The following COL4A2 variants were observed in gnomAD, a reference collection of about 807,000 sequenced individuals.
COL4A2 encodes the protein collagen alpha-2(IV) chain.
In COL4A2, 99 loss-of-function variants were observed where a neutral mutation model predicts 200.2. The ratio of observed to expected loss-of-function variants is 0.49; its 90% CI spans 0.42 to 0.58. COL4A2 has a LOEUF of 0.58. Among genes scored for constraint, COL4A2 ranks in the 20% least tolerant of loss-of-function variants. The pLI, the probability that COL4A2 is intolerant of heterozygous loss-of-function variation, is 0.00. For missense variants in COL4A2, 1,950 were observed against 2,314.1 expected (o/e 0.84, Z 3.23); for synonymous variants, 897 against 900.6 (o/e 1.00, Z 0.07).
In COL4A2 at chr13:110,503,252, C is replaced by T; in HGVS notation, c.4009C>T (p.Pro1337Ser). ...CGGGGACTCCGGGCCCCAGGGCAGG[C>T]CTGGTGTGTTTGGTCTCCCAGGAGA... ...WAGDSGPQGR[P>S]GVFGLPGEKG... The change falls in exon 42 of 48, where the codon CCT (proline) becomes TCT (serine). Residue 1337 changes from proline to serine, a missense_variant. Pro to Ser is a moderately conservative substitution (Grantham distance 74). Around this residue, in one of 2 missense-constraint regions of COL4A2, gnomAD observed 1,385 missense variants for 1,720.5 expected, o/e 0.80. Coordinates refer to ENST00000360467, the MANE Select transcript of COL4A2 (RefSeq NM_001846.4). The T allele has an allele frequency of 1.2e-6, 2 of 1,609,772 alleles. No individual in the cohort carries two copies. Among genetic ancestry groups the T allele is most frequent in the South Asian group, 1.1e-5 (1 of 90,742 alleles).
intron 16 of COL4A2, among the ~76,000 whole-genome samples, chr13:110,443,579 T>C (rs1881215845): frequency 6.6e-6 from 1 of 152,208 alleles, no homozygotes; most frequent in Non-Finnish European, 1.5e-5. Context: ...TGATAAGTTA[T>C]TAGATTTGGG....
rs1472191360 is a variant in COL4A2, at chr13:110,430,529, C to T, written c.586-16C>T. On this transcript the variant is annotated splice_polypyrimidine_tract_variant and intron_variant, in intron 9 of 47. Coordinates refer to ENST00000360467, the MANE Select transcript of COL4A2 (RefSeq NM_001846.4). ...TTTACCTCTCTTAAAAACATTCTCC[C>T]GCTGCCTATCCATAGGGACCTCCCG... is the stretch of plus-strand genomic sequence containing the variant. 5 of 1,614,178 alleles carry T rather than the reference C, an allele frequency of 3.1e-6. No homozygotes were observed. Among genetic ancestry groups the T allele is most frequent in the East Asian group, 4.5e-5 (2 of 44,884 alleles).
At chr13:110,428,684 G>A (rs1027548975) in intron 7 of COL4A2, 101 bp downstream of exon 7, 8 of 594,618 alleles carry the variant, frequency 1.3e-5, no homozygotes, top group South Asian at 5.7e-5. Context: ...TGGCCAGAAC[G>A]GAAGCATAAC....
At chr13:110,509,121 G>A (rs1883985056) in intron 47 of COL4A2, among the ~76,000 whole-genome samples, 1 of 151,732 alleles carries the variant, frequency 6.6e-6, no homozygotes, top group Admixed American at 6.6e-5. Flanking sequence ...GTATACTATT[G>A]TAGGGAGAAA....
intron 20 of COL4A2, among the ~76,000 whole-genome samples, chr13:110,452,288 G>A (rs112025727): frequency 0.2 from 29,926 of 150,962 alleles, 3,289 homozygotes; most frequent in Middle Eastern, 0.4. Flanking sequence ...GCCCGCCACC[G>A]CGCAGCTGGG....
At chr13:110,361,504 G>T (rs1877512146) in intron 4 of COL4A2, among the ~76,000 whole-genome samples, 1 of 152,174 alleles carries the variant, frequency 6.6e-6, no homozygotes, top group African/African-American at 2.4e-5. Flanking sequence ...AGCCTTTTAT[G>T]GGCATGGTAC....
At chr13:110,350,838 C>A (rs945497833) in intron 3 of COL4A2, among the ~76,000 whole-genome samples, 2 of 152,106 alleles carry the variant, frequency 1.3e-5, no homozygotes, top group Non-Finnish European at 2.9e-5. Flanking sequence ...ATGGCGGGGG[C>A]CAGCTGGGAG....
At chr13:110,310,901 C>T (rs1566465631) in intron 3 of COL4A2, among the ~76,000 whole-genome samples, 1 of 152,204 alleles carries the variant, frequency 6.6e-6, no homozygotes, top group Non-Finnish European at 1.5e-5. Flanking sequence ...AGAAAAGCCA[C>T]AAAGGGTTTG....
chr13:110,311,822 GT>G (rs1176046690), intron 3 of COL4A2, among the ~76,000 whole-genome samples: 1 of 152,220 alleles, frequency 6.6e-6, no homozygotes, highest in African/African-American at 2.4e-5. Context: ...CACAATAGAC[GT>G]GGGTTCACGT....
Position 110,465,994 on chromosome 13 carries a change from TC to T in COL4A2, c.1979-3del, listed in dbSNP as rs764182733. On this transcript the variant is annotated splice_region_variant and splice_polypyrimidine_tract_variant and intron_variant, in intron 25 of 47. Coordinates refer to ENST00000360467, the MANE Select transcript of COL4A2 (RefSeq NM_001846.4). The stretch of plus-strand genomic sequence containing the variant: ...ATTGCCTCACTCTGTCCTTATGTCT[TC>T]CCCCCAGATTGTGACACAGATGTGA... The T allele has an allele frequency of 4.1e-5, 66 of 1,612,624 alleles. No homozygotes were observed. The African/African-American group carries it at 7.9e-4, about 19-fold the overall frequency.
At position 110,321,838 on chromosome 13, in the gene COL4A2, G is replaced by A. The variant is rs1465458808; in HGVS notation, c.99+13715G>A. On this transcript the variant is annotated intron_variant, in intron 3 of 47. Coordinates refer to ENST00000360467, the MANE Select transcript of COL4A2 (RefSeq NM_001846.4). ...GAAATGTCAGATGCTTATAAAACTA[G>A]ATCTCAGGAGAACTCACTATCATGA... Among the ~76,000 whole-genome samples the A allele has an allele frequency of 3.3e-5, 5 of 152,126 alleles. No individual in the cohort carries two copies. In the East Asian group the frequency reaches 9.6e-4, roughly 29 times the overall value.
At chr13:110,409,015 C>T (rs1461631265) in intron 4 of COL4A2, among the ~76,000 whole-genome samples, 71 of 93,906 alleles carry the variant, frequency 7.6e-4, no homozygotes, top group Middle Eastern at 4.7e-3. Flanking sequence ...CACACACATA[C>T]ACATGGACAC....
Position 110,472,980 on chromosome 13 carries a change from A to T in COL4A2, c.2255A>T (p.Asp752Val). The change falls in exon 29 of 48, where the codon GAT becomes GTT. Residue 752 changes from aspartate (D) to valine (V), a missense_variant. Physicochemically the swap from Asp to Val is radical, Grantham distance 152 (BLOSUM62 -3). This residue lies in a region of COL4A2 where 1,385 missense variants were observed against 1,720.5 expected (regional missense o/e 0.80). Transcript: ENST00000360467. ...SKGAVGLPGP[D>V]GSPGPIGLPG... is the part of the protein sequence containing the mutation. The stretch of plus-strand genomic sequence containing the variant: ...GGTGCAGTGGGCCTCCCTGGCCCAG[A>T]TGGATCCCCAGGTCCCATCGGCCTG... 6.5e-7 allele frequency: 1 copy of T among 1,547,972 alleles called. No homozygotes were observed. Among genetic ancestry groups the T allele is most frequent in the Non-Finnish European group, 8.7e-7 (1 of 1,147,734 alleles).
chr13:110,313,451 C>CA (rs1185098542), intron 3 of COL4A2, among the ~76,000 whole-genome samples: 30 of 151,944 alleles, frequency 2.0e-4, no homozygotes, highest in Non-Finnish European at 3.8e-4. Flanking sequence ...GGCGTCCACC[C>CA]GGCAGGCTCC....
At chr13:110,509,616 A>G (rs1279856014) in intron 47 of COL4A2, among the ~76,000 whole-genome samples, 1 of 152,106 alleles carries the variant, frequency 6.6e-6, no homozygotes, top group East Asian at 1.9e-4. Context: ...TTCAAAATAA[A>G]TGAGCCTCTC....
chr13:110,312,649 A>G (rs1250802988), intron 3 of COL4A2, among the ~76,000 whole-genome samples: 1 of 152,208 alleles, frequency 6.6e-6, no homozygotes, highest in African/African-American at 2.4e-5. Context: ...TTTTAGAGAA[A>G]GCTCTGAAAC....
chr13:110,430,764 T>G (rs766319507), intron 10 of COL4A2, 157 bp downstream of exon 10: 1 of 999,762 alleles, frequency 1.0e-6, no homozygotes, highest in Non-Finnish European at 1.6e-6. Flanking sequence ...GGACCATTCC[T>G]TGCACACTTT....
rs1883965147 is a variant in COL4A2, at chr13:110,508,469, T to A, written c.4881+248T>A. ...TTTGCCACCAGGCCTTTGTAAGGAGTGTAACCAGGACGAACTTGCCTGTTA... is the reference window on the plus strand; with the variant it reads ...TTTGCCACCAGGCCTTTGTAAGGAGAGTAACCAGGACGAACTTGCCTGTTA... On this transcript the variant is annotated intron_variant, in intron 47 of 47. Coordinates refer to ENST00000360467, the MANE Select transcript of COL4A2 (RefSeq NM_001846.4). This position sits in a 1 kb window ranked among gnomAD's most constrained non-coding sequence, Gnocchi z 6.1. 1.6e-6 allele frequency: 1 copy of A among 622,808 alleles called. No homozygotes were observed. The highest frequency in any genetic ancestry group is 3.0e-5 in the Admixed American group (1 of 33,316). 38.6% of individuals were successfully genotyped at this position (622,808 alleles called of 1,614,324 possible). A position where few individuals can be genotyped will look rare whatever the true frequency, so the allele number is the denominator to read the frequency against.
At chr13:110,351,154 T>A (rs1468636989) in intron 3 of COL4A2, among the ~76,000 whole-genome samples, 1 of 152,156 alleles carries the variant, frequency 6.6e-6, no homozygotes, top group East Asian at 1.9e-4. Flanking sequence ...GCTCAAGCCA[T>A]CTTCCCACCC....
Sources: allele counts gnomAD v4.1 joint callset (sites outside exome capture counted in the v4.1 genomes callset), GRCh38; gene constraint gnomAD v4.1.1; regional missense constraint gnomAD v4.1.1; non-coding constraint Gnocchi (gnomAD v3.1); transcripts MANE v1.5; gene names NCBI Gene and HGNC (gene_info 2026-07-23, HGNC 2026-07-21).